The following SIM2 variants were observed in gnomAD, a reference collection of about 807,000 sequenced individuals.
SIM2 encodes SIM bHLH transcription factor 2, also known as single-minded homolog 2.
A neutral mutation model predicts 64.8 loss-of-function variants in SIM2; 28 were observed. The ratio of observed to expected loss-of-function variants is 0.43; its 90% confidence interval spans 0.32 to 0.59. The LOEUF (loss-of-function observed/expected upper bound fraction) is 0.59. Ranked by LOEUF, SIM2 falls within the 20% of genes least tolerant of loss-of-function variation. The probability of loss-of-function intolerance (pLI) is 0.07; values close to 1 mark genes in which losing one functional copy is unlikely to be tolerated. For missense variants in SIM2, 847 were observed against 871.4 expected (o/e 0.97, Z 0.35); for synonymous variants, 408 against 391.1 (o/e 1.04, Z -0.51).
chr21:36,731,898 T>C (rs904372692), intron 7 of SIM2, among the ~76,000 whole-genome samples: 3 of 152,210 alleles, frequency 2.0e-5, no homozygotes, highest in Non-Finnish European at 4.4e-5. Flanking sequence ...AAAAAATCTT[T>C]TTGAGACAGA....
intron 3 of SIM2, among the ~76,000 whole-genome samples, chr21:36,717,218 C>G (rs140495213): frequency 2.4e-3 from 371 of 152,228 alleles, no homozygotes; most frequent in Non-Finnish European, 4.3e-3. Flanking sequence ...TTAATAAGCA[C>G]AGATGGAAGG....
chr21:36,723,305 T>C (rs1480332696), intron 5 of SIM2, among the ~76,000 whole-genome samples, 175 bp downstream of exon 5: 2 of 152,100 alleles, frequency 1.3e-5, no homozygotes, highest in South Asian at 2.1e-4. Context: ...GCTGGTGTTT[T>C]AGGAGGATGT....
chr21:36,713,144 G>A (rs2070649), intron 3 of SIM2, among the ~76,000 whole-genome samples: 105,298 of 152,062 alleles, frequency 0.69, 36,579 homozygotes, highest in Middle Eastern at 0.74. Flanking sequence ...TTCAGTGGTC[G>A]TTTCAGCAAA....
In SIM2 at chr21:36,733,964, C is replaced by A. The variant is rs567849614; in HGVS notation, c.850+2813C>A. ...TGTCCATCATGGGTAGATGCTTTCA[C>A]TTATAGACTCTGACCTGCGGGCAGT... is the stretch of plus-strand genomic sequence containing the variant. On this transcript the variant is annotated intron_variant, in intron 7 of 10. Coordinates refer to ENST00000290399, the MANE Select transcript of SIM2 (RefSeq NM_005069.6). 2.0e-5 allele frequency among the ~76,000 whole-genome samples: 3 copies of A among 152,306 alleles called. No homozygotes were observed. In the South Asian group the frequency reaches 6.2e-4, roughly 32 times the overall value.
chr21:36,740,938 C>T (rs1172109055), intron 7 of SIM2, among the ~76,000 whole-genome samples: 1 of 152,214 alleles, frequency 6.6e-6, no homozygotes, highest in Non-Finnish European at 1.5e-5. Context: ...GGAGAAGCTT[C>T]ACCTCTCCAC....
chr21:36,734,081 C>G (rs943231264), intron 7 of SIM2, among the ~76,000 whole-genome samples: 39 of 152,186 alleles, frequency 2.6e-4, no homozygotes, highest in African/African-American at 8.9e-4. Context: ...GGAGCTGGGG[C>G]AGGACCAAAG....
At chr21:36,728,366 G>A (rs1026126557) in intron 6 of SIM2, among the ~76,000 whole-genome samples, 4 of 152,218 alleles carry the variant, frequency 2.6e-5, no homozygotes, top group South Asian at 2.1e-4. Context: ...TTTTCAAGCC[G>A]TTCAATCCAC....
intron 7 of SIM2, among the ~76,000 whole-genome samples, chr21:36,734,960 T>G (rs550133049): frequency 1.3e-5 from 2 of 152,128 alleles, no homozygotes; most frequent in South Asian, 2.1e-4. Flanking sequence ...GGAGTTGAAG[T>G]GCAATGGTTG....
intron 1 of SIM2, among the ~76,000 whole-genome samples, chr21:36,700,775 G>T (rs115868938): frequency 6.6e-6 from 1 of 152,214 alleles, no homozygotes; most frequent in Admixed American, 6.5e-5. Context: ...GCTGAGACCC[G>T]GCTGAAAGAG....
At chr21:36,710,909 C>G (rs2088666916) in intron 2 of SIM2, among the ~76,000 whole-genome samples, 1 of 152,208 alleles carries the variant, frequency 6.6e-6, no homozygotes, top group Non-Finnish European at 1.5e-5. Context: ...AAGTTTCATA[C>G]TCCTACATAT....
chr21:36,743,687 T>C lies in SIM2; in HGVS notation c.1167+132T>C, dbSNP rs1305184634. ...TCCCTGCCGTGGAGCAAGGTCCCTC[T>C]GGGATGTCTTGCCTACACAGTAGTG... On this transcript the variant is annotated intron_variant, in intron 9 of 10. Coordinates refer to ENST00000290399, the MANE Select transcript of SIM2 (RefSeq NM_005069.6). 14 of 878,794 alleles carry C rather than the reference T, an allele frequency of 1.6e-5. No homozygotes were observed. The Admixed American group carries it at 3.9e-4, about 24-fold the overall frequency. The allele number at this position is 878,794 out of a possible 1,614,324, so 54.4% of individuals were successfully genotyped here.
At position 36,721,718 on chromosome 21, in the gene SIM2, G is replaced by A. The variant is rs142450416; in HGVS notation, c.458-1327G>A. On this transcript the variant is annotated intron_variant, in intron 4 of 10. Coordinates refer to ENST00000290399, the MANE Select transcript of SIM2 (RefSeq NM_005069.6). ...CCCAAAGTGCTGGGATTACAGGCGT[G>A]AGCCACCGTGCCTGGCCTGAAAATT... Among the ~76,000 whole-genome samples the A allele has an allele frequency of 1.9e-3, 287 of 152,218 alleles. 2 individuals are homozygous for A. Among genetic ancestry groups the A allele is most frequent in the African/African-American group, 6.7e-3 (280 of 41,516 alleles).
At chr21:36,706,367 A>C (rs1400673358) in intron 1 of SIM2, among the ~76,000 whole-genome samples, 1 of 152,046 alleles carries the variant, frequency 6.6e-6, no homozygotes, top group East Asian at 1.9e-4. Context: ...CCCTCCCCCC[A>C]GCCGCAACCT....
intron 1 of SIM2, among the ~76,000 whole-genome samples, chr21:36,706,204 C>T (rs1218942976): frequency 6.6e-6 from 1 of 152,244 alleles, no homozygotes; most frequent in African/African-American, 2.4e-5. Context: ...AACATGCACA[C>T]ACTCGCAGGT....
chr21:36,726,851 C>T lies in SIM2; in HGVS notation c.743+533C>T, dbSNP rs2088899298. Among the ~76,000 whole-genome samples the T allele has an allele frequency of 1.3e-5, 2 of 152,100 alleles. No individual in the cohort carries two copies. Among genetic ancestry groups the T allele is most frequent in the Non-Finnish European group, 2.9e-5 (2 of 68,030 alleles). ...GCTCTTCCCACAGCTCATGGGTGCC[C>T]TGTCTACATCTGGGCTGGGAGGAGG... is the stretch of plus-strand genomic sequence containing the variant. On this transcript the variant is annotated intron_variant, in intron 6 of 10. Coordinates refer to ENST00000290399, the MANE Select transcript of SIM2 (RefSeq NM_005069.6). This position sits in a 1 kb window ranked among gnomAD's most constrained non-coding sequence, Gnocchi z 4.5.
Position 36,745,350 on chromosome 21 carries a change from A to T in SIM2, c.1576+214A>T. On this transcript the variant is annotated intron_variant, in intron 10 of 10. Transcript: ENST00000290399. The surrounding 1 kb of genome is among the most constrained non-coding windows in gnomAD (Gnocchi z 4.8). ...ATGGCAGTCTGCCTGCCTCGGGGAC[A>T]CTAGTGACAGTATAAAGGGCAAAGG... 1 of 1,430,620 alleles carries T rather than the reference A, an allele frequency of 7.0e-7. No individual in the cohort carries two copies. The allele number at this position is 1,430,620 out of a possible 1,614,324, so 88.6% of individuals were successfully genotyped here. A position where few individuals can be genotyped will look rare whatever the true frequency, so the allele number is the denominator to read the frequency against.
intron 1 of SIM2, among the ~76,000 whole-genome samples, chr21:36,707,539 CAGG>C (rs1383937441): frequency 2.6e-5 from 4 of 152,070 alleles, no homozygotes; most frequent in African/African-American, 9.7e-5. Flanking sequence ...TCCTTGAGCC[CAGG>C]AGGAGAAATT....
rs116112466 is a variant in SIM2, at chr21:36,724,542, G to C, written c.543+1412G>C. Among the ~76,000 whole-genome samples, 765 of 152,324 alleles carry C rather than the reference G, an allele frequency of 5.0e-3. 9 individuals carry two copies. The highest frequency in any genetic ancestry group is 0.018 in the African/African-American group (736 of 41,580). ...AATCCTCCTGCCTTGGCCTCCCAAA[G>C]TGTCAGGATTACAGACAGGAGCCAC... On this transcript the variant is annotated intron_variant, in intron 5 of 10. Coordinates refer to ENST00000290399, the MANE Select transcript of SIM2 (RefSeq NM_005069.6).
At position 36,731,147 on chromosome 21, in the gene SIM2, C is replaced by A. The variant is rs767523762; in HGVS notation, c.846C>A (p.His282Gln). The change falls in exon 7 of 11, where the codon CAC becomes CAA. Residue 282 changes from histidine to glutamine, a missense_variant. By Grantham distance (24) the His-to-Gln change is conservative. Transcript: ENST00000290399. ...TGTTCCACCTCCGCTACGCACACCA[C>A]CTCCGTGAGTAGCACGCCCACCCCA... ...CDVFHLRYAH[H>Q]LLLVKGQVTT... The A allele has an allele frequency of 1.2e-6, 2 of 1,612,376 alleles. No homozygotes were observed. Among genetic ancestry groups the A allele is most frequent in the Non-Finnish European group, 1.7e-6 (2 of 1,178,744 alleles).
Sources: gnomAD v4.1 joint callset for allele counts (sites outside exome capture counted in the v4.1 genomes callset) on GRCh38, gnomAD v4.1.1 for gene constraint, Gnocchi (gnomAD v3.1) non-coding constraint, MANE v1.5 for transcripts, NCBI Gene and HGNC (gene_info 2026-07-23, HGNC 2026-07-21) for gene names.